Variants in TSHR observed in about 807,000 individuals in gnomAD.
The protein encoded by TSHR is thyroid stimulating hormone receptor, also known as thyrotropin receptor.
In TSHR, 51 loss-of-function variants were observed where a neutral mutation model predicts 64.1. The ratio of observed to expected loss-of-function variants is 0.80; its 90% confidence interval spans 0.64 to 1.01. The LOEUF is 1.01. Ranked by LOEUF, TSHR falls within the 50% of genes least tolerant of loss-of-function variation. TSHR has a pLI of 0.00. For missense variants in TSHR, 877 were observed against 942.8 expected, an observed-to-expected ratio of 0.93 and a Z score of 0.91; for synonymous variants, 361 against 361.9, an observed-to-expected ratio of 1.00 and a Z score of 0.03.
intron 1 of TSHR, among the ~76,000 whole-genome samples, chr14:81,009,305 A>G (rs1889783959): frequency 6.6e-6 from 1 of 152,140 alleles, no homozygotes; most frequent in Non-Finnish European, 1.5e-5. Flanking sequence ...TGGTTTGTAG[A>G]CCACATTGAT....
chr14:81,009,593 T>A (rs902168618), intron 1 of TSHR, among the ~76,000 whole-genome samples: 8 of 152,218 alleles, frequency 5.3e-5, no homozygotes, highest in Non-Finnish European at 8.8e-5. Flanking sequence ...GCCATAGGAC[T>A]GTGTTTTGTA....
intron 1 of TSHR, among the ~76,000 whole-genome samples, chr14:81,049,023 A>G (rs1885306500): frequency 1.3e-5 from 2 of 152,190 alleles, no homozygotes; most frequent in South Asian, 2.1e-4. Context: ...CCATTATCCT[A>G]TGATAAAATT....
At chr14:81,032,615 A>G (rs1217841915) in intron 1 of TSHR, 1 of 446,914 alleles carries the variant, frequency 2.2e-6, no homozygotes, top group Non-Finnish European at 4.4e-6. Context: ...GGTTGTTTGA[A>G]CTAGCCAAGG....
At chr14:80,969,774 C>G (rs1887504680) in intron 1 of TSHR, among the ~76,000 whole-genome samples, 1 of 152,222 alleles carries the variant, frequency 6.6e-6, no homozygotes, top group Non-Finnish European at 1.5e-5. Flanking sequence ...TCAGTGGATA[C>G]TCTCTGATGA....
intron 7 of TSHR, among the ~76,000 whole-genome samples, chr14:81,098,066 AT>A (rs2140003148): frequency 1.3e-5 from 2 of 152,264 alleles, no homozygotes; most frequent in African/African-American, 4.8e-5. Context: ...ACTTTTCAAC[AT>A]ATTTATTAGA....
chr14:81,028,781 A>G (rs933147208), intron 1 of TSHR, among the ~76,000 whole-genome samples: 7 of 152,170 alleles, frequency 4.6e-5, no homozygotes, highest in African/African-American at 1.7e-4. Flanking sequence ...TGAGAGAAAT[A>G]CCAGCAACAG....
intron 1 of TSHR, among the ~76,000 whole-genome samples, chr14:80,980,484 T>C (rs1888112445): frequency 1.3e-5 from 2 of 152,248 alleles, no homozygotes; most frequent in African/African-American, 4.8e-5. Context: ...TTGTACCCTC[T>C]CTTGCTGTTA....
rs767036994 is a variant in TSHR at position 80,986,432 on chromosome 14, G to A, written c.170+30582G>A. On this transcript the variant is annotated intron_variant, in intron 1 of 9. Transcript: ENST00000298171. Reference sequence around the variant, plus strand: ...CAAATCTCAAAATTAGCTATTATACGTAGCTAACTCACTGTATATTTCCTC... The same window carrying A: ...CAAATCTCAAAATTAGCTATTATACATAGCTAACTCACTGTATATTTCCTC... Among the ~76,000 whole-genome samples, 12 of 152,200 alleles carry A rather than the reference G, an allele frequency of 7.9e-5. No individual in the cohort carries two copies. The East Asian group carries it at 1.7e-3, about 22-fold the overall frequency.
chr14:81,105,236 TA>T, intron 7 of TSHR: 1 of 985,312 alleles, frequency 1.0e-6, no homozygotes, highest in Non-Finnish European at 1.2e-6. Flanking sequence ...ACTAGACTGA[TA>T]ATCCCAGGAA....
chr14:81,068,570 C>T (rs1886830310), intron 3 of TSHR: 2 of 480,750 alleles, frequency 4.2e-6, no homozygotes, highest in South Asian at 2.1e-5. Context: ...ACTATCTGTT[C>T]TATTACTACT....
chr14:81,091,102 T>C lies in TSHR; in HGVS notation c.426T>C (p.Pro142=). 1 of 1,612,560 alleles carries C rather than the reference T, an allele frequency of 6.2e-7. No individual in the cohort carries two copies. The highest frequency in any genetic ancestry group is 8.5e-7 in the Non-Finnish European group (1 of 1,179,936). Residue 142 remains proline (P), a synonymous_variant, in exon 5 of 10, where the codon CCT becomes CCC. Coordinates refer to ENST00000298171, the MANE Select transcript of TSHR (RefSeq NM_000369.5). ...GIFNTGLKMF[P]DLTKVYSTDI... is the part of the protein sequence containing the mutation. ...TCAACACTGGACTTAAAATGTTCCC[T>C]GACCTGACCAAAGTTTATTCCACTG...
chr14:81,129,947 T>C (rs1203319886), intron 8 of TSHR, among the ~76,000 whole-genome samples: 1 of 152,200 alleles, frequency 6.6e-6, no homozygotes, highest in African/African-American at 2.4e-5. Flanking sequence ...CATGCTGTAG[T>C]TTCTTCCATC....
At chr14:81,001,410 C>T in intron 1 of TSHR, 1 of 439,490 alleles carries the variant, frequency 2.3e-6, no homozygotes, top group South Asian at 1.7e-5. Context: ...ACCATGAGCT[C>T]TATAAGGCCA....
At chr14:81,045,531 C>T (rs980641952) in intron 1 of TSHR, among the ~76,000 whole-genome samples, 2 of 152,150 alleles carry the variant, frequency 1.3e-5, no homozygotes, top group African/African-American at 4.8e-5. Flanking sequence ...AGCTATTCTT[C>T]CTCATGCTCT....
At chr14:81,023,615 T>A (rs1883889081) in intron 1 of TSHR, among the ~76,000 whole-genome samples, 1 of 152,108 alleles carries the variant, frequency 6.6e-6, no homozygotes, top group Non-Finnish European at 1.5e-5. Flanking sequence ...TAAATGGCAG[T>A]CCCTTACTGG....
intron 1 of TSHR, among the ~76,000 whole-genome samples, chr14:80,974,510 G>C (rs570664344): frequency 6.6e-6 from 1 of 152,052 alleles, no homozygotes; most frequent in African/African-American, 2.4e-5. Flanking sequence ...TGCTTGGTTG[G>C]CCTTATGTAG....
chr14:81,077,032 T>C (rs993426287), intron 3 of TSHR, among the ~76,000 whole-genome samples: 3 of 152,156 alleles, frequency 2.0e-5, no homozygotes, highest in Non-Finnish European at 2.9e-5. Context: ...TATTTCTCTC[T>C]CTCTCTCTCT....
intron 1 of TSHR, among the ~76,000 whole-genome samples, chr14:80,972,055 A>G (rs1887614579): frequency 6.6e-6 from 1 of 152,186 alleles, no homozygotes; most frequent in Non-Finnish European, 1.5e-5. Flanking sequence ...CATAACACAA[A>G]TGTTTAGATT....
intron 1 of TSHR, among the ~76,000 whole-genome samples, chr14:80,987,754 A>C (rs1427978984): frequency 1.3e-5 from 2 of 151,994 alleles, no homozygotes; most frequent in African/African-American, 2.4e-5. Flanking sequence ...TTTCTTCATC[A>C]TCTATTTATT....
Sources: gnomAD v4.1 joint callset for allele counts (sites outside exome capture counted in the v4.1 genomes callset) on GRCh38, gnomAD v4.1.1 for gene constraint, MANE v1.5 for transcripts, NCBI Gene and HGNC (gene_info 2026-07-23, HGNC 2026-07-21) for gene names.